The following KCNIP1 variants were observed in gnomAD, a reference collection of about 807,000 sequenced individuals.
KCNIP1 encodes the protein A-type potassium channel modulatory protein KCNIP1.
In KCNIP1, 18 loss-of-function variants were observed where a neutral mutation model predicts 33.0. The ratio of observed to expected loss-of-function variants is 0.55; its 90% CI spans 0.38 to 0.81. KCNIP1 has a LOEUF of 0.81. Ranked by LOEUF, KCNIP1 falls within the 30% of genes least tolerant of loss-of-function variation. The pLI is 0.00. For missense variants in KCNIP1, 238 were observed against 271.6 expected (o/e 0.88, Z 0.87); for synonymous variants, 93 against 98.3 (o/e 0.95, Z 0.32).
intron 5 of KCNIP1, among the ~76,000 whole-genome samples, chr5:170,732,259 G>A (rs1436781338): frequency 2.6e-5 from 4 of 152,108 alleles, no homozygotes; most frequent in Admixed American, 2.6e-4. Context: ...TGATAAACAC[G>A]GAAACTCTCA....
intron 1 of KCNIP1, among the ~76,000 whole-genome samples, chr5:170,671,710 G>A (rs959249835): frequency 1.3e-5 from 2 of 152,094 alleles, no homozygotes; most frequent in African/African-American, 4.8e-5. Flanking sequence ...CATAATAGAT[G>A]CTTAATAAAT....
At chr5:170,604,193 G>A (rs959905377) in intron 1 of KCNIP1, among the ~76,000 whole-genome samples, 6 of 152,158 alleles carry the variant, frequency 3.9e-5, no homozygotes, top group Non-Finnish European at 8.8e-5. Flanking sequence ...CGGGGAGAAG[G>A]GAGGGTTCCA....
At chr5:170,362,296 TC>T (rs763401463) in intron 1 of KCNIP1, among the ~76,000 whole-genome samples, 2 of 151,824 alleles carry the variant, frequency 1.3e-5, no homozygotes, top group Non-Finnish European at 2.9e-5. Context: ...TTTACTTCCC[TC>T]CCCAGCCCAT....
chr5:170,659,730 C>G (rs1480001746), intron 1 of KCNIP1, among the ~76,000 whole-genome samples: 2 of 152,216 alleles, frequency 1.3e-5, no homozygotes, highest in Non-Finnish European at 2.9e-5. Context: ...CCTTGCTTTT[C>G]TGTCCTGTGT....
chr5:170,714,220 A>G (rs1243834001), intron 1 of KCNIP1, among the ~76,000 whole-genome samples: 1 of 152,178 alleles, frequency 6.6e-6, no homozygotes, highest in East Asian at 1.9e-4. Flanking sequence ...CTGGTACACA[A>G]GCACACAGCT....
chr5:170,466,304 A>G (rs974306814), intron 1 of KCNIP1, among the ~76,000 whole-genome samples: 10 of 152,198 alleles, frequency 6.6e-5, no homozygotes, highest in African/African-American at 2.4e-4. Flanking sequence ...AGAGAGCAGG[A>G]GTTCAAGCTG....
At chr5:170,500,577 T>A (rs1305398756), upstream of KCNIP1, among the ~76,000 whole-genome samples, 1 of 152,168 alleles carries the variant, frequency 6.6e-6, no homozygotes, top group African/African-American at 2.4e-5. Flanking sequence ...CCCCATGCAG[T>A]TCTTTGCTCT....
intron 1 of KCNIP1, among the ~76,000 whole-genome samples, chr5:170,526,719 C>CTTTTTTGCTTTT (rs774926936): frequency 8.1e-6 from 1 of 122,816 alleles, no homozygotes; most frequent in African/African-American, 3.3e-5. Flanking sequence ...ATCTGATTAG[C>CTTTTTTGCTTTT]TTTTTTTTTT....
chr5:170,406,929 G>C (rs543582815), intron 1 of KCNIP1, among the ~76,000 whole-genome samples: 3 of 152,186 alleles, frequency 2.0e-5, no homozygotes, highest in Non-Finnish European at 4.4e-5. Flanking sequence ...AAGAGATGTG[G>C]GGGCATCAGC....
intron 1 of KCNIP1, among the ~76,000 whole-genome samples, chr5:170,470,280 TGCCCCACATTA>T (rs1208313280): frequency 2.6e-5 from 4 of 152,108 alleles, no homozygotes; most frequent in Non-Finnish European, 4.4e-5. Flanking sequence ...CTCCTCCCTA[TGCCCCACATTA>T]GCCACTCTGG....
intron 1 of KCNIP1, among the ~76,000 whole-genome samples, chr5:170,462,112 T>C (rs1293301698): frequency 6.6e-6 from 1 of 151,962 alleles, no homozygotes; most frequent in Non-Finnish European, 1.5e-5. Context: ...GATAAATAGC[T>C]GGGACTTAAT....
chr5:170,430,904 G>T (rs368967078), intron 1 of KCNIP1, among the ~76,000 whole-genome samples: 4 of 152,282 alleles, frequency 2.6e-5, no homozygotes, highest in African/African-American at 9.6e-5. Flanking sequence ...CTGCCTCCTG[G>T]ATCCCAGAAT....
chr5:170,397,591 G>A (rs957470277), intron 1 of KCNIP1, among the ~76,000 whole-genome samples: 1 of 152,214 alleles, frequency 6.6e-6, no homozygotes, highest in Non-Finnish European at 1.5e-5. Flanking sequence ...GGCTAATTTG[G>A]AGCCCCAGGC....
At chr5:170,677,956 C>T (rs1372460549) in intron 1 of KCNIP1, among the ~76,000 whole-genome samples, 1 of 152,170 alleles carries the variant, frequency 6.6e-6, no homozygotes, top group Non-Finnish European at 1.5e-5. Context: ...TCTATGCAGG[C>T]TCACATCTCC....
chr5:170,421,142 T>A (rs1755479840), intron 1 of KCNIP1, among the ~76,000 whole-genome samples: 1 of 152,174 alleles, frequency 6.6e-6, no homozygotes, highest in South Asian at 2.1e-4. Context: ...TTGCTGAGGA[T>A]GTCCCCAGAG....
chr5:170,376,801 G>T (rs536819245), intron 1 of KCNIP1: 2 of 152,060 alleles, frequency 1.3e-5, no homozygotes, highest in African/African-American at 2.4e-5. Context: ...GAAATAATCT[G>T]CACAACAAAC....
intron 1 of KCNIP1, among the ~76,000 whole-genome samples, chr5:170,557,983 T>C (rs180700085): frequency 2.2e-4 from 33 of 152,180 alleles, no homozygotes; most frequent in African/African-American, 8.0e-4. Context: ...TATTTCCATA[T>C]TCAGCCCTGA....
At chr5:170,661,714 A>G (rs1761498292) in intron 1 of KCNIP1, among the ~76,000 whole-genome samples, 1 of 152,198 alleles carries the variant, frequency 6.6e-6, no homozygotes, top group Non-Finnish European at 1.5e-5. Flanking sequence ...GCAATTCAAC[A>G]TAAAATCATA....
intron 1 of KCNIP1, among the ~76,000 whole-genome samples, chr5:170,514,531 C>T (rs1755057051): frequency 6.6e-6 from 1 of 151,984 alleles, no homozygotes; most frequent in Non-Finnish European, 1.5e-5. Context: ...ACCACTGCCC[C>T]GCCCTGCCTC....
Sources: allele counts gnomAD v4.1 joint callset (sites outside exome capture counted in the v4.1 genomes callset), GRCh38; gene constraint gnomAD v4.1.1; transcripts MANE v1.5; gene names NCBI Gene and HGNC (gene_info 2026-07-23, HGNC 2026-07-21).